ZFYVE28: variants seen among roughly 807,000 people sequenced by gnomAD.
The protein encoded by ZFYVE28 is lateral signaling target protein 2 homolog.
ZFYVE28 carries 40 observed loss-of-function variants against 82.1 expected under a neutral mutation model. That is an observed-to-expected ratio of 0.49 (90% CI 0.38 to 0.63). The LOEUF (loss-of-function observed/expected upper bound fraction) is 0.63. Ranked by LOEUF, ZFYVE28 falls within the 30% of genes least tolerant of loss-of-function variation. The pLI is 0.00. For missense variants in ZFYVE28, 1,321 were observed against 1,242.1 expected (o/e 1.06, Z -0.96); for synonymous variants, 612 against 546.1 (o/e 1.12, Z -1.68).
At chr4:2,399,083 A>AGGTGAGATCTAGGGCACAAGCGTGG (rs1297197658) in intron 1 of ZFYVE28, among the ~76,000 whole-genome samples, 1 of 117,502 alleles carries the variant, frequency 8.5e-6, no homozygotes. Context: ...CACAAGCGTG[A>AGGTGAGATCTAGGGCACAAGCGTGG]AGGTGAGATC....
chr4:2,401,861 G>A (rs751372436), intron 1 of ZFYVE28, among the ~76,000 whole-genome samples: 5 of 152,168 alleles, frequency 3.3e-5, no homozygotes, highest in South Asian at 2.1e-4. Flanking sequence ...CCTGGGCTGC[G>A]TCCTCTCCTC....
At chr4:2,286,848 A>G (rs1215708482) in intron 8 of ZFYVE28, 1 of 152,190 alleles carries the variant, frequency 6.6e-6, no homozygotes, top group Non-Finnish European at 1.5e-5. Flanking sequence ...GTGACCCCCA[A>G]AATGTGAATC....
At chr4:2,271,584 G>A in intron 11 of ZFYVE28, 91 bp downstream of exon 11, 7 of 1,479,904 alleles carry the variant, frequency 4.7e-6, no homozygotes, top group Non-Finnish European at 6.6e-6. Context: ...AGGGTGGCCT[G>A]CAGCCCCTCC....
chr4:2,313,807 C>A (rs1247788366), intron 7 of ZFYVE28, among the ~76,000 whole-genome samples: 1 of 150,500 alleles, frequency 6.6e-6, no homozygotes, highest in African/African-American at 2.5e-5. Context: ...CGAGATCGCA[C>A]CACTGCACTC....
chr4:2,308,677 G>A (rs377648970), intron 7 of ZFYVE28, among the ~76,000 whole-genome samples: 4,087 of 75,972 alleles, frequency 0.054, 70 homozygotes, highest in Middle Eastern at 0.086. Context: ...AAGAAAGAAA[G>A]AGAAAGAAAG....
chr4:2,402,907 C>T (rs903193978), intron 1 of ZFYVE28, among the ~76,000 whole-genome samples: 1 of 152,174 alleles, frequency 6.6e-6, no homozygotes, highest in African/African-American at 2.4e-5. Context: ...GCTCAGGACC[C>T]GGTCAGCTAA....
In ZFYVE28 at chr4:2,372,975, C is replaced by G. The variant is rs78255000; in HGVS notation, c.40-18902G>C. Among the ~76,000 whole-genome samples, 8 of 152,142 alleles carry G rather than the reference C, an allele frequency of 5.3e-5. No individual in the cohort carries two copies. The highest frequency in any genetic ancestry group is 1.9e-4 in the African/African-American group (8 of 41,418). On this transcript the variant is annotated intron_variant, in intron 1 of 12. Coordinates refer to ENST00000290974, the MANE Select transcript of ZFYVE28 (RefSeq NM_020972.3). This position sits in a 1 kb window ranked among gnomAD's most constrained non-coding sequence, Gnocchi z 5.2. ...ACCAGAAGACCACCACGTCTCTGGG[C>G]AGACACTCGGGGTACCCTTACCCTA...
chr4:2,396,897 G>T (rs564349741), intron 1 of ZFYVE28, among the ~76,000 whole-genome samples: 1 of 152,300 alleles, frequency 6.6e-6, no homozygotes, highest in Admixed American at 6.5e-5. Context: ...GTCACTGGGG[G>T]GTCCTGAGCA....
intron 1 of ZFYVE28, among the ~76,000 whole-genome samples, chr4:2,402,119 A>T (rs1221952055): frequency 2.0e-5 from 3 of 152,174 alleles, no homozygotes; most frequent in Non-Finnish European, 1.5e-5. Context: ...GCGCTGGAGG[A>T]GGGACTTGCT....
chr4:2,321,050 G>C (rs527604370), intron 6 of ZFYVE28, among the ~76,000 whole-genome samples: 1 of 152,028 alleles, frequency 6.6e-6, no homozygotes, highest in Non-Finnish European at 1.5e-5. Flanking sequence ...TCTCCTTGAG[G>C]GCACCCATCC....
chr4:2,417,796 G>A lies in ZFYVE28; in HGVS notation c.39+489C>T, dbSNP rs986417017. On this transcript the variant is annotated intron_variant, in intron 1 of 12. Coordinates refer to ENST00000290974, the MANE Select transcript of ZFYVE28 (RefSeq NM_020972.3). This position sits in a 1 kb window ranked among gnomAD's most constrained non-coding sequence, Gnocchi z 4.8. The stretch of plus-strand genomic sequence containing the variant: ...ACCTGGGGAAGTGGGGAGAGGGTCT[G>A]TTCTGGAGTGCGGAGGGAGATCTAT... 1.3e-5 allele frequency among the ~76,000 whole-genome samples: 2 copies of A among 151,844 alleles called. No homozygotes were observed. The highest frequency in any genetic ancestry group is 2.4e-5 in the African/African-American group (1 of 41,308).
At chr4:2,317,593 G>T (rs922132752) in intron 7 of ZFYVE28, among the ~76,000 whole-genome samples, 1 of 152,080 alleles carries the variant, frequency 6.6e-6, no homozygotes, top group African/African-American at 2.4e-5. Flanking sequence ...TTCAAAATCT[G>T]GCAAACGTCT....
rs562625836 is a variant in ZFYVE28, at chr4:2,362,668, G to C, written c.40-8595C>G. Among the ~76,000 whole-genome samples the C allele has an allele frequency of 3.4e-3, 514 of 152,272 alleles. 1 individual carries two copies. Among genetic ancestry groups the C allele is most frequent in the Non-Finnish European group, 6.3e-3 (427 of 68,020 alleles). On this transcript the variant is annotated intron_variant, in intron 1 of 12. Transcript: ENST00000290974. This position sits in a 1 kb window ranked among gnomAD's most constrained non-coding sequence, Gnocchi z 5.1. ...GCAGCACCACCAGCCACCGGCAGCA[G>C]ATCTGGGGCCCCAGACAGGCACACA...
At chr4:2,302,762 T>G (rs1244191160) in intron 8 of ZFYVE28, among the ~76,000 whole-genome samples, 3 of 152,240 alleles carry the variant, frequency 2.0e-5, no homozygotes, top group Non-Finnish European at 4.4e-5. Flanking sequence ...CCCCATGCAG[T>G]GAGCGTGATT....
intron 8 of ZFYVE28, among the ~76,000 whole-genome samples, chr4:2,276,245 G>A (rs764188599): frequency 1.3e-5 from 2 of 152,248 alleles, no homozygotes; most frequent in Non-Finnish European, 2.9e-5. Flanking sequence ...GTGGGAGCAC[G>A]GTAGGAGGCT....
chr4:2,308,675 A>AAGAAAGAGAGAG (rs1200372952), intron 7 of ZFYVE28, among the ~76,000 whole-genome samples: 36 of 93,216 alleles, frequency 3.9e-4, no homozygotes, highest in African/African-American at 1.4e-3. Context: ...GAAAGAAAGA[A>AAGAAAGAGAGAG]AGAGAAAGAA....
intron 8 of ZFYVE28, among the ~76,000 whole-genome samples, chr4:2,284,963 A>C (rs905249395): frequency 1.3e-5 from 2 of 152,228 alleles, no homozygotes; most frequent in African/African-American, 4.8e-5. Context: ...CATATGTTGA[A>C]GTCCTAACCC....
Position 2,362,246 on chromosome 4 carries a change from G to A in ZFYVE28, c.40-8173C>T, listed in dbSNP as rs1251026956. 6.6e-6 allele frequency among the ~76,000 whole-genome samples: 1 copy of A among 152,078 alleles called. No individual in the cohort carries two copies. The highest frequency in any genetic ancestry group is 1.5e-5 in the Non-Finnish European group (1 of 67,996). ...ATGCAGGGGTGAGGACCAGGTGTCT[G>A]AGGCACCGCCTGGGCCTCTCCAGGG... On this transcript the variant is annotated intron_variant, in intron 1 of 12. Transcript: ENST00000290974. This position sits in a 1 kb window ranked among gnomAD's most constrained non-coding sequence, Gnocchi z 5.1.
chr4:2,288,871 A>G (rs1407907775), intron 8 of ZFYVE28, among the ~76,000 whole-genome samples: 3 of 151,816 alleles, frequency 2.0e-5, no homozygotes, highest in Non-Finnish European at 4.4e-5. Context: ...GGTCCAAGCT[A>G]CTCGGGATCA....
Sources: gnomAD v4.1 joint callset for allele counts (sites outside exome capture counted in the v4.1 genomes callset) on GRCh38, gnomAD v4.1.1 for gene constraint, Gnocchi (gnomAD v3.1) non-coding constraint, MANE v1.5 for transcripts, NCBI Gene and HGNC (gene_info 2026-07-23, HGNC 2026-07-21) for gene names.